Variants in FRAS1 observed in about 807,000 individuals in gnomAD.
The protein encoded by FRAS1 is extracellular matrix organizing protein FRAS1.
FRAS1 carries 290 observed loss-of-function variants against 435.2 expected under a neutral mutation model. The observed-to-expected ratio is 0.67, with a 90% confidence interval of 0.61 to 0.73. The LOEUF (loss-of-function observed/expected upper bound fraction) is 0.73. Among genes scored for constraint, FRAS1 ranks in the 30% least tolerant of loss-of-function variants. The pLI is 0.00. For missense variants in FRAS1, 4,860 were observed against 5,001.5 expected (o/e 0.97, Z 0.85); for synonymous variants, 1,800 against 1,851.0 (o/e 0.97, Z 0.71).
intron 38 of FRAS1, among the ~76,000 whole-genome samples, chr4:78,434,257 C>CA (rs1734327527): frequency 6.6e-6 from 1 of 152,042 alleles, no homozygotes; most frequent in Non-Finnish European, 1.5e-5. Context: ...GACAAAAAGG[C>CA]AAAAGTTGGA....
At chr4:78,211,170 G>A (rs1723486611) in intron 2 of FRAS1, among the ~76,000 whole-genome samples, 1 of 152,130 alleles carries the variant, frequency 6.6e-6, no homozygotes, top group African/African-American at 2.4e-5. Context: ...GAAGGGAGTG[G>A]GTTATAGACA....
At position 78,387,541 on chromosome 4, in the gene FRAS1, C is replaced by T. The variant is rs1732265226; in HGVS notation, c.3815C>T (p.Pro1272Leu). ...HGQLLQTLQS[P>L]ATPIYQFQLD... is the part of the protein sequence containing the mutation. ...CAATTGCTTCAGACACTTCAGTCCC[C>T]GGCAACCCCTATCTATCAATTCCAG... Residue 1272 changes from proline to leucine, a missense_variant, in exon 29 of 74, where the codon CCG becomes CTG. By Grantham distance (98) the Pro-to-Leu change is moderately conservative. Transcript: ENST00000512123. The T allele has an allele frequency of 3.1e-6, 5 of 1,613,740 alleles. No individual in the cohort carries two copies. The South Asian group carries it at 3.3e-5, about 11-fold the overall frequency.
chr4:78,057,701 A>T lies in FRAS1; in HGVS notation c.-309A>T. 2.3e-6 allele frequency: 1 copy of T among 426,434 alleles called. No homozygotes were observed. Among genetic ancestry groups the T allele is most frequent in the Non-Finnish European group, 4.2e-6 (1 of 237,986 alleles). 26.4% of individuals were successfully genotyped at this position (426,434 alleles called of 1,614,324 possible). A position where few individuals can be genotyped will look rare whatever the true frequency, so the allele number is the denominator to read the frequency against. Reference sequence around the variant, plus strand: ...CAGTGACCAGCAACTTTCCGGCGAGATTTTGACGCGGAGAACTGTGCTCTG... The same window carrying T: ...CAGTGACCAGCAACTTTCCGGCGAGTTTTTGACGCGGAGAACTGTGCTCTG... On this transcript the variant is annotated 5_prime_UTR_variant, in exon 1 of 74. Transcript: ENST00000512123. This position sits in a 1 kb window ranked among gnomAD's most constrained non-coding sequence, Gnocchi z 4.2.
chr4:78,116,134 G>A (rs577408986), intron 2 of FRAS1, among the ~76,000 whole-genome samples: 1 of 152,280 alleles, frequency 6.6e-6, no homozygotes, highest in East Asian at 1.9e-4. Context: ...ATGTAGTTGA[G>A]CAGTTTTGAG....
chr4:78,117,401 C>T (rs1718669728), intron 2 of FRAS1, among the ~76,000 whole-genome samples: 2 of 152,184 alleles, frequency 1.3e-5, no homozygotes, highest in Non-Finnish European at 2.9e-5. Flanking sequence ...TGGGTAAGTT[C>T]TCTTGGATAA....
Position 78,478,000 on chromosome 4 carries a change from CAAG to C in FRAS1, c.8042_8044del (p.Lys2681del), listed in dbSNP as rs749582402. 1 of 1,609,042 alleles carries C rather than the reference CAAG, an allele frequency of 6.2e-7. No homozygotes were observed. Among genetic ancestry groups the C allele is most frequent in the Non-Finnish European group, 8.5e-7 (1 of 1,177,710 alleles). On this transcript the variant is annotated inframe_deletion, in exon 55 of 74. Coordinates refer to ENST00000512123, the MANE Select transcript of FRAS1 (RefSeq NM_025074.7). ...AGGATGAACCCACATTAGAGTTTGA[CAAG>C]AAGATCTACTGGGTTAACGAGAGCG...
At chr4:78,183,901 T>C (rs1053983689) in intron 2 of FRAS1, among the ~76,000 whole-genome samples, 1 of 152,008 alleles carries the variant, frequency 6.6e-6, no homozygotes. Context: ...GACAAAGAGA[T>C]AGTGTTGGGG....
In FRAS1 at chr4:78,496,876, C is replaced by T. The variant is rs758439236; in HGVS notation, c.9030C>T (p.Leu3010=). ...FEPEEQFRVY[L]GLPLGNHWSG... ...CAGAGGAACAGTTCAGGGTCTACCT[C>T]GGCCTTCCTCTTGGAAACCACTGGA... is the stretch of plus-strand genomic sequence containing the variant. Residue 3010 remains leucine (L), a synonymous_variant, in exon 60 of 74, where the codon CTC becomes CTT. Coordinates refer to ENST00000512123, the MANE Select transcript of FRAS1 (RefSeq NM_025074.7). 28 of 1,613,548 alleles carry T rather than the reference C, an allele frequency of 1.7e-5. No homozygotes were observed. The highest frequency in any genetic ancestry group is 6.7e-5 in the African/African-American group (5 of 74,914).
chr4:78,264,480 A>G (rs184364594), intron 6 of FRAS1, among the ~76,000 whole-genome samples: 7 of 152,332 alleles, frequency 4.6e-5, no homozygotes, highest in East Asian at 3.9e-4. Context: ...ATACATTTAT[A>G]TATGCAAAAT....
Position 78,540,921 on chromosome 4 carries a change from T to C in FRAS1, c.11836T>C (p.Tyr3946His), listed in dbSNP as rs891488808. The change falls in exon 74 of 74, where the codon TAT becomes CAT. Residue 3946 changes from tyrosine to histidine, a missense_variant. Transcript: ENST00000512123. ...KKPAEDILEE[Y>H]PLNTKVEVPK... The stretch of plus-strand genomic sequence containing the variant: ...GCCCGCAGAGGACATTTTGGAAGAA[T>C]ATCCTCTGAATACCAAGGTAGAAGT... The C allele has an allele frequency of 6.2e-7, 1 of 1,613,942 alleles. No homozygotes were observed. The highest frequency in any genetic ancestry group is 8.5e-7 in the Non-Finnish European group (1 of 1,179,888).
intron 2 of FRAS1, chr4:78,068,773 G>T: frequency 2.9e-6 from 1 of 348,718 alleles, no homozygotes; most frequent in South Asian, 2.2e-5. Flanking sequence ...AATCTAGAGA[G>T]ATTCTGCATT....
chr4:78,145,904 T>G (rs1300012210), intron 2 of FRAS1, among the ~76,000 whole-genome samples: 1 of 152,168 alleles, frequency 6.6e-6, no homozygotes, highest in Non-Finnish European at 1.5e-5. Context: ...ACATCTGGCT[T>G]TTCCCCTGCT....
chr4:78,413,991 G>A (rs771540256), intron 32 of FRAS1, among the ~76,000 whole-genome samples: 1 of 152,116 alleles, frequency 6.6e-6, no homozygotes, highest in East Asian at 1.9e-4. Context: ...ATTTTAGTTA[G>A]CACCCACACA....
At chr4:78,113,787 T>A (rs10023665) in intron 2 of FRAS1, among the ~76,000 whole-genome samples, 42,510 of 151,980 alleles carry the variant, frequency 0.28, 6,271 homozygotes, top group African/African-American at 0.35. Context: ...TTGCCTGGTC[T>A]CTCTGATGGT....
chr4:78,541,004 G>C lies in FRAS1; in HGVS notation c.11919G>C (p.Val3973=), dbSNP rs779732408. 7 of 1,566,366 alleles carry C rather than the reference G, an allele frequency of 4.5e-6. No homozygotes were observed. In the South Asian group the frequency reaches 8.3e-5, roughly 19 times the overall value. ...ACGTGAATAGACACTACTGCACTGT[G>C]CGGAACGTCAACATCCTGAGTGAGC... The part of the protein sequence containing the change: ...EKNVNRHYCT[V]RNVNILSEPE... The change falls in exon 74 of 74, where the codon GTG becomes GTC. Residue 3973 remains valine, a synonymous_variant. Coordinates refer to ENST00000512123, the MANE Select transcript of FRAS1 (RefSeq NM_025074.7).
chr4:78,483,799 A>ACATATATATATATAT lies in FRAS1; in HGVS notation c.8752+1264_8752+1265insCATATATATATATAT, dbSNP rs1560753038. ...CTCTCTCTCTATATATATATATATAAAATTATGTATGTGTGATACACACAC... is the reference window on the plus strand; with the variant it reads ...CTCTCTCTCTATATATATATATATAACATATATATATATATAATTATGTATGTGTGATACACACAC... On this transcript the variant is annotated intron_variant, in intron 58 of 73. Coordinates refer to ENST00000512123, the MANE Select transcript of FRAS1 (RefSeq NM_025074.7). 4.2e-4 allele frequency among the ~76,000 whole-genome samples: 28 copies of ACATATATATATATAT among 67,466 alleles called. 4 individuals carry two copies. Among genetic ancestry groups the ACATATATATATATAT allele is most frequent in the Non-Finnish European group, 8.7e-4 (25 of 28,794 alleles). The allele number at this position is 67,466 out of a possible 152,430, so 44.3% of individuals were successfully genotyped here.
In FRAS1 at chr4:78,169,592, A is replaced by T. The variant is rs540933905; in HGVS notation, c.109-67918A>T. On this transcript the variant is annotated intron_variant, in intron 2 of 73. Coordinates refer to ENST00000512123, the MANE Select transcript of FRAS1 (RefSeq NM_025074.7). ...AGGTGCCCATTAAATTATAATTATTATTGTATTTTATTATTATCAAGCCCT... is the reference window on the plus strand; with the variant it reads ...AGGTGCCCATTAAATTATAATTATTTTTGTATTTTATTATTATCAAGCCCT... 3.3e-5 allele frequency among the ~76,000 whole-genome samples: 5 copies of T among 152,240 alleles called. No individual in the cohort carries two copies. The East Asian group carries it at 9.6e-4, about 29-fold the overall frequency.
At chr4:78,082,061 A>G (rs1457208933) in intron 2 of FRAS1, among the ~76,000 whole-genome samples, 1 of 152,104 alleles carries the variant, frequency 6.6e-6, no homozygotes, top group Non-Finnish European at 1.5e-5. Flanking sequence ...AACATTTTTT[A>G]TCAAAAGATG....
At chr4:78,059,160 C>T (rs1739624887) in intron 1 of FRAS1, among the ~76,000 whole-genome samples, 1 of 152,168 alleles carries the variant, frequency 6.6e-6, no homozygotes, top group African/African-American at 2.4e-5. Context: ...GCCCTGGTGC[C>T]TAGGAAGGGG....
Sources: gnomAD v4.1 joint callset for allele counts (sites outside exome capture counted in the v4.1 genomes callset) on GRCh38, gnomAD v4.1.1 for gene constraint, Gnocchi (gnomAD v3.1) non-coding constraint, MANE v1.5 for transcripts, NCBI Gene and HGNC (gene_info 2026-07-23, HGNC 2026-07-21) for gene names.